The following SLC23A2 variants were observed in gnomAD, a reference collection of about 807,000 sequenced individuals.
SLC23A2 encodes the protein solute carrier family 23 member 2.
SLC23A2 carries 36 observed loss-of-function variants against 73.3 expected under a neutral mutation model. The observed-to-expected ratio is 0.49, with a 90% CI of 0.38 to 0.65. The LOEUF is 0.65. Ranked by LOEUF, SLC23A2 falls within the 30% of genes least tolerant of loss-of-function variation. The pLI is 0.00. For missense variants in SLC23A2, 507 were observed against 841.6 expected (o/e 0.60, Z 4.92); for synonymous variants, 343 against 327.3 (o/e 1.05, Z -0.52).
At chr20:4,945,340 T>C (rs959139044) in intron 2 of SLC23A2, among the ~76,000 whole-genome samples, 6 of 152,234 alleles carry the variant, frequency 3.9e-5, no homozygotes, top group Non-Finnish European at 1.5e-5. Context: ...AGACACAGTC[T>C]GGCTCTGGCA....
chr20:4,932,808 C>T (rs973250557), intron 2 of SLC23A2, 92 bp from the exon 3 acceptor site: 9 of 422,794 alleles, frequency 2.1e-5, no homozygotes, highest in Non-Finnish European at 3.8e-5. Context: ...AAAAAAGTCA[C>T]ACTACACATT....
rs148706575 is a variant in SLC23A2, at chr20:4,861,702, C to T, written c.1624+246G>A. 5.9e-3 allele frequency among the ~76,000 whole-genome samples: 893 copies of T among 152,264 alleles called. 12 individuals are homozygous for T. Among genetic ancestry groups the T allele is most frequent in the African/African-American group, 0.02 (847 of 41,548 alleles). ...AAAAGCATTTAGAGAGAGGCATTCTCCCAAAGGAGAGGGTCCCAGTGAAAA... is the reference window on the plus strand; with the variant it reads ...AAAAGCATTTAGAGAGAGGCATTCTTCCAAAGGAGAGGGTCCCAGTGAAAA... On this transcript the variant is annotated intron_variant, in intron 15 of 16. Coordinates refer to ENST00000338244, the MANE Select transcript of SLC23A2 (RefSeq NM_005116.6).
At chr20:5,003,082 A>G (rs573192341), upstream of SLC23A2, among the ~76,000 whole-genome samples, 5 of 152,268 alleles carry the variant, frequency 3.3e-5, no homozygotes, top group African/African-American at 1.2e-4. Context: ...GAAGATGGAG[A>G]AAATAAAAAA....
chr20:4,950,919 G>A (rs936386652), intron 2 of SLC23A2, among the ~76,000 whole-genome samples: 56 of 152,164 alleles, frequency 3.7e-4, no homozygotes, highest in African/African-American at 1.3e-3. Flanking sequence ...TGGGATAAGA[G>A]GATGACACCA....
At chr20:4,859,244 TA>T in intron 16 of SLC23A2, 44 bp downstream of exon 16, 1 of 1,115,492 alleles carries the variant, frequency 9.0e-7, no homozygotes, top group Non-Finnish European at 1.3e-6. Flanking sequence ...ACACATATGT[TA>T]AAAAATAAAA....
intron 2 of SLC23A2, among the ~76,000 whole-genome samples, chr20:4,965,522 A>G (rs986896307): frequency 1.3e-5 from 2 of 152,152 alleles, no homozygotes; most frequent in Admixed American, 6.6e-5. Flanking sequence ...TTGTAATCCC[A>G]GTACTTTGGG....
intron 6 of SLC23A2, among the ~76,000 whole-genome samples, chr20:4,891,746 G>C (rs917074067): frequency 6.6e-6 from 1 of 152,210 alleles, no homozygotes; most frequent in African/African-American, 2.4e-5. Context: ...CTCACCTGAT[G>C]CTCGCTAACA....
chr20:4,953,086 T>A (rs985935403), intron 2 of SLC23A2, among the ~76,000 whole-genome samples: 2 of 151,124 alleles, frequency 1.3e-5, no homozygotes, highest in Admixed American at 6.6e-5. Context: ...GGCAGGCGGA[T>A]CACAAGGTCA....
intron 3 of SLC23A2, among the ~76,000 whole-genome samples, chr20:4,926,166 T>C (rs1932662996): frequency 6.6e-6 from 1 of 152,184 alleles, no homozygotes; most frequent in Non-Finnish European, 1.5e-5. Context: ...CTGGTAAGAC[T>C]AAACCTCATA....
At position 4,856,645 on chromosome 20, in the gene SLC23A2, G is replaced by A; in HGVS notation, c.*327C>T. ...GGTGGCTTATAGGAAAGCCAGCCCT[G>A]GGTGGTGGAAGGGAACTGAAGCAAG... On this transcript the variant is annotated 3_prime_UTR_variant, in exon 17 of 17. Transcript: ENST00000338244. This position sits in a 1 kb window ranked among gnomAD's most constrained non-coding sequence, Gnocchi z 4.6. 6 of 244,386 alleles carry A rather than the reference G, an allele frequency of 2.5e-5. No individual in the cohort carries two copies. The highest frequency in any genetic ancestry group is 2.4e-5 in the Non-Finnish European group (3 of 126,128). 15.1% of individuals were successfully genotyped at this position (244,386 alleles called of 1,614,324 possible).
At chr20:4,913,915 C>T (rs79708870) in intron 3 of SLC23A2, among the ~76,000 whole-genome samples, 6,542 of 151,868 alleles carry the variant, frequency 0.043, 249 homozygotes, top group African/African-American at 0.096. Flanking sequence ...GCATGAGCCA[C>T]CACACATGGC....
intron 6 of SLC23A2, among the ~76,000 whole-genome samples, chr20:4,890,370 AGG>A (rs1403312214): frequency 6.6e-6 from 1 of 152,170 alleles, no homozygotes; most frequent in Admixed American, 6.5e-5. Flanking sequence ...AAGAAAAGCA[AGG>A]CCAGGCGTGG....
At chr20:4,908,811 C>T (rs1447577158) in intron 4 of SLC23A2, among the ~76,000 whole-genome samples, 1 of 152,148 alleles carries the variant, frequency 6.6e-6, no homozygotes, top group Non-Finnish European at 1.5e-5. Context: ...GCCTGTGATC[C>T]CAGCTACTTG....
intron 1 of SLC23A2, among the ~76,000 whole-genome samples, chr20:5,000,315 A>G (rs1485354032): frequency 1.3e-5 from 2 of 152,172 alleles, no homozygotes; most frequent in Non-Finnish European, 2.9e-5. Flanking sequence ...AGCATAAAAT[A>G]AAAATGCTCC....
chr20:4,856,841 C>T lies in SLC23A2; in HGVS notation c.*131G>A, dbSNP rs998844794. The T allele has an allele frequency of 2.0e-5, 13 of 651,434 alleles. No homozygotes were observed. Among genetic ancestry groups the T allele is most frequent in the South Asian group, 1.1e-4 (6 of 54,898 alleles). 40.4% of individuals were successfully genotyped at this position (651,434 alleles called of 1,614,324 possible). On this transcript the variant is annotated 3_prime_UTR_variant, in exon 17 of 17. Transcript: ENST00000338244. The surrounding 1 kb of genome is among the most constrained non-coding windows in gnomAD (Gnocchi z 4.6). ...TCACCCTCACAGCAGAAAAGTGATT[C>T]GCAGTCTGTCTTAGCTCTGGGGCGC...
At chr20:4,983,941 A>T (rs1177856045) in intron 1 of SLC23A2, among the ~76,000 whole-genome samples, 1 of 151,582 alleles carries the variant, frequency 6.6e-6, no homozygotes, top group Non-Finnish European at 1.5e-5. Context: ...GGGCAACAAG[A>T]GTAAAACTGT....
intron 6 of SLC23A2, among the ~76,000 whole-genome samples, chr20:4,896,094 T>C (rs1251107451): frequency 6.6e-6 from 1 of 151,316 alleles, no homozygotes; most frequent in Non-Finnish European, 1.5e-5. Context: ...GGATGGAGGG[T>C]GGAGAGACGT....
At chr20:4,985,985 T>C (rs1280104508) in intron 1 of SLC23A2, among the ~76,000 whole-genome samples, 1 of 152,198 alleles carries the variant, frequency 6.6e-6, no homozygotes, top group Non-Finnish European at 1.5e-5. Flanking sequence ...TTATGTGTTA[T>C]TCTGGATGTA....
chr20:4,859,251 TAA>T (rs35881880), intron 16 of SLC23A2, 36 bp downstream of exon 16: 653 of 1,003,158 alleles, frequency 6.5e-4, no homozygotes, highest in Non-Finnish European at 8.2e-4. Flanking sequence ...TGTTAAAAAA[TAA>T]AAAAAAAAAA....
Sources: gnomAD v4.1 joint callset for allele counts (sites outside exome capture counted in the v4.1 genomes callset) on GRCh38, gnomAD v4.1.1 for gene constraint, Gnocchi (gnomAD v3.1) non-coding constraint, MANE v1.5 for transcripts, NCBI Gene and HGNC (gene_info 2026-07-23, HGNC 2026-07-21) for gene names.